The following CLVS1 variants were observed in gnomAD, a reference collection of about 807,000 sequenced individuals.
CLVS1 encodes clavesin-1.
Under a neutral mutation model 33.1 loss-of-function variants are expected in CLVS1, and 10 were observed. The observed-to-expected ratio is 0.30, with a 90% confidence interval of 0.19 to 0.51. CLVS1 has a LOEUF of 0.51. Ranked by LOEUF, CLVS1 falls within the 20% of genes least tolerant of loss-of-function variation. CLVS1 has a pLI of 0.97. For synonymous variants in CLVS1, 163 were observed against 166.1 expected, an observed-to-expected ratio of 0.98 and a Z score of 0.14; for missense variants, 343 against 433.4, an observed-to-expected ratio of 0.79 and a Z score of 1.85.
intron 3 of CLVS1, among the ~76,000 whole-genome samples, chr8:61,438,395 A>G (rs1439953972): frequency 3.9e-5 from 6 of 152,192 alleles, no homozygotes; most frequent in Non-Finnish European, 7.3e-5. Flanking sequence ...TGCATTGTGT[A>G]TATGTACCAC....
intron 2 of CLVS1, among the ~76,000 whole-genome samples, chr8:61,166,154 G>A (rs1476769888): frequency 6.8e-6 from 1 of 148,092 alleles, no homozygotes; most frequent in Non-Finnish European, 1.5e-5. Context: ...TTGAGACAGA[G>A]TCTTGCACTG....
chr8:61,172,185 C>T (rs901926326), intron 2 of CLVS1, among the ~76,000 whole-genome samples: 6 of 152,078 alleles, frequency 3.9e-5, no homozygotes, highest in Admixed American at 6.6e-5. Flanking sequence ...GTCTATGTTA[C>T]GTATTCTTCC....
intron 2 of CLVS1, among the ~76,000 whole-genome samples, chr8:61,277,809 T>C (rs1809590970): frequency 6.6e-6 from 1 of 152,162 alleles, no homozygotes; most frequent in Admixed American, 6.5e-5. Context: ...AACAGAAGTT[T>C]ATTAGCATGT....
At position 61,187,096 on chromosome 8, in the gene CLVS1, A is replaced by G. The variant is rs143542555; in HGVS notation, c.-152+55236A>G. 1.9e-3 allele frequency among the ~76,000 whole-genome samples: 295 copies of G among 151,628 alleles called. 1 individual carries two copies. The highest frequency in any genetic ancestry group is 6.7e-3 in the African/African-American group (276 of 41,476). ...TAAAACTGAGGGAAATTATACAGCG[A>G]TGAGTGTTTCCAAACATTTTCCAAG... is the stretch of plus-strand genomic sequence containing the variant. On this transcript the variant is annotated intron_variant, in intron 2 of 2. Coordinates refer to the CLVS1 transcript ENST00000522621.
intron 2 of CLVS1, among the ~76,000 whole-genome samples, chr8:61,233,728 G>T (rs1231460744): frequency 6.6e-6 from 1 of 152,216 alleles, no homozygotes; most frequent in African/African-American, 2.4e-5. Context: ...TGGGAAAAGG[G>T]CCTGTGACAG....
At chr8:61,324,622 C>T (rs1182789555) in intron 2 of CLVS1, among the ~76,000 whole-genome samples, 2 of 151,998 alleles carry the variant, frequency 1.3e-5, no homozygotes, top group Non-Finnish European at 2.9e-5. Flanking sequence ...CAGAAGAATA[C>T]AGGAAAATGT....
chr8:61,078,197 G>A (rs1323273168), intron 1 of CLVS1, among the ~76,000 whole-genome samples: 1 of 152,242 alleles, frequency 6.6e-6, no homozygotes, highest in African/African-American at 2.4e-5. Context: ...GCTGTGGGAA[G>A]GAGAGAGCTT....
At chr8:61,019,782 A>G in the CLVS1 span, among the ~76,000 whole-genome samples, 1 of 152,084 alleles carries the variant, frequency 6.6e-6, no homozygotes, top group Admixed American at 6.5e-5. Context: ...AGGTCTTTAC[A>G]TCATCCTGCA....
intron 3 of CLVS1, among the ~76,000 whole-genome samples, chr8:61,382,939 A>C (rs1046416062): frequency 2.6e-5 from 4 of 152,182 alleles, no homozygotes; most frequent in Non-Finnish European, 5.9e-5. Context: ...TATGGTGAAA[A>C]TCAAATAGTA....
chr8:60,991,295 C>T, the CLVS1 span, among the ~76,000 whole-genome samples: 86 of 152,254 alleles, frequency 5.6e-4, no homozygotes, highest in African/African-American at 2.0e-3. Context: ...GTCTTGTTTG[C>T]TCTAGTCATA....
At chr8:61,359,755 T>A (rs1812894890) in intron 2 of CLVS1, among the ~76,000 whole-genome samples, 1 of 152,220 alleles carries the variant, frequency 6.6e-6, no homozygotes, top group South Asian at 2.1e-4. Context: ...AGAAGTTATA[T>A]AATTTGTTTA....
chr8:61,307,895 G>A (rs1810687867), intron 2 of CLVS1, among the ~76,000 whole-genome samples: 1 of 151,888 alleles, frequency 6.6e-6, no homozygotes, highest in Admixed American at 6.6e-5. Context: ...CCATATCCAT[G>A]TGTACATATT....
intron 1 of CLVS1, among the ~76,000 whole-genome samples, chr8:61,113,039 T>C (rs1805657553): frequency 2.6e-5 from 4 of 151,972 alleles, no homozygotes; most frequent in Admixed American, 1.3e-4. Flanking sequence ...ATCTGGAGCA[T>C]TGGAAACTGT....
chr8:60,989,086 G>C, the CLVS1 span, among the ~76,000 whole-genome samples: 103 of 152,218 alleles, frequency 6.8e-4, no homozygotes, highest in African/African-American at 2.2e-3. Context: ...GCCCAGGCTG[G>C]CCTTGCCTGA....
At chr8:60,981,347 G>T in the CLVS1 span, among the ~76,000 whole-genome samples, 8 of 152,298 alleles carry the variant, frequency 5.3e-5, no homozygotes, top group Non-Finnish European at 1.2e-4. Flanking sequence ...ATGTAGCTTT[G>T]AGCACATGAA....
At chr8:61,421,352 A>G (rs1476077435) in intron 3 of CLVS1, among the ~76,000 whole-genome samples, 1 of 152,330 alleles carries the variant, frequency 6.6e-6, no homozygotes. Flanking sequence ...CAGAATAAAG[A>G]CAAAAATAAA....
intron 3 of CLVS1, among the ~76,000 whole-genome samples, chr8:61,446,644 TATTC>T (rs1490236676): frequency 2.0e-5 from 3 of 152,182 alleles, no homozygotes; most frequent in African/African-American, 7.2e-5. Flanking sequence ...CAAATGGTTT[TATTC>T]ATTCATGAGA....
At chr8:61,272,221 T>C (rs11777575) in intron 2 of CLVS1, among the ~76,000 whole-genome samples, 101,695 of 149,510 alleles carry the variant, frequency 0.68, 36,820 homozygotes, top group East Asian at 0.97. Context: ...TTTGCTTGTC[T>C]GTAAAGGATT....
chr8:61,430,511 A>T (rs1816069842), intron 3 of CLVS1, among the ~76,000 whole-genome samples: 1 of 152,186 alleles, frequency 6.6e-6, no homozygotes, highest in Non-Finnish European at 1.5e-5. Flanking sequence ...GCAAATCAGC[A>T]AACTCAAATC....
Sources: allele counts gnomAD v4.1 joint callset (sites outside exome capture counted in the v4.1 genomes callset), GRCh38; gene constraint gnomAD v4.1.1; transcripts MANE v1.5; gene names NCBI Gene and HGNC (gene_info 2026-07-23, HGNC 2026-07-21).